The following MFN1 variants were observed in gnomAD, a reference collection of about 807,000 sequenced individuals.
MFN1 encodes mitofusin 1.
A neutral mutation model predicts 92.4 loss-of-function variants in MFN1; 65 were observed. The observed-to-expected ratio is 0.70, with a 90% CI of 0.58 to 0.86. MFN1 has a LOEUF of 0.86. MFN1 is among the 40% of genes least tolerant of loss of function. The pLI is 0.00. For synonymous variants in MFN1, 297 were observed against 300.9 expected, an observed-to-expected ratio of 0.99 and a Z score of 0.13; for missense variants, 781 against 868.0, an observed-to-expected ratio of 0.90 and a Z score of 1.26.
chr3:179,387,331 AG>A (rs1713722694), intron 16 of MFN1, among the ~76,000 whole-genome samples: 1 of 152,106 alleles, frequency 6.6e-6, no homozygotes. Context: ...GGATCACTTG[AG>A]GTCGGGAGTT....
intron 17 of MFN1, among the ~76,000 whole-genome samples, chr3:179,391,601 T>C (rs1328893268): frequency 1.3e-5 from 2 of 152,124 alleles, no homozygotes; most frequent in African/African-American, 4.8e-5. Context: ...TGCCCTGGCA[T>C]AGTGTGAGAG....
At chr3:179,362,054 A>G (rs1712601248) in intron 4 of MFN1, among the ~76,000 whole-genome samples, 1 of 152,198 alleles carries the variant, frequency 6.6e-6, no homozygotes, top group Non-Finnish European at 1.5e-5. Context: ...ATACACATTT[A>G]TTTCAGTAGA....
chr3:179,371,981 C>G (rs1713037058), intron 9 of MFN1, among the ~76,000 whole-genome samples: 1 of 149,132 alleles, frequency 6.7e-6, no homozygotes, highest in African/African-American at 2.5e-5. Flanking sequence ...ATATATGCCT[C>G]TCTTTATATA....
At chr3:179,390,198 A>T (rs1022371376) in intron 17 of MFN1, 60 bp downstream of exon 17, 6 of 1,313,202 alleles carry the variant, frequency 4.6e-6, no homozygotes, top group African/African-American at 1.6e-5. Context: ...CAAAATATGT[A>T]AAATTATTAA....
In MFN1 at chr3:179,378,408, A is replaced by T. The variant is rs1333913253; in HGVS notation, c.1397A>T (p.Asn466Ile). 2.5e-6 allele frequency: 4 copies of T among 1,606,322 alleles called. No individual in the cohort carries two copies. The Admixed American group carries it at 6.9e-5, about 28-fold the overall frequency. ...GCTGATCGATGCACCGATGAAGTAA[A>T]CGCCTTAGTGCTTCAGACCCAGCAA... is the stretch of plus-strand genomic sequence containing the variant. ...NLADRCTDEV[N>I]ALVLQTQQEI... The change falls in exon 13 of 18, where the codon AAC becomes ATC. Residue 466 changes from asparagine (N) to isoleucine (I), a missense_variant. Asn to Ile is a moderately radical substitution (Grantham distance 149). Transcript: ENST00000471841.
intron 14 of MFN1, among the ~76,000 whole-genome samples, chr3:179,382,609 A>G (rs1405816908): frequency 6.6e-6 from 1 of 152,206 alleles, no homozygotes; most frequent in Non-Finnish European, 1.5e-5. Context: ...GCTGGGTCAG[A>G]TAGTATTTCT....
chr3:179,386,628 CA>C lies in MFN1; in HGVS notation c.2012del (p.Gln671HisfsTer3). The C allele has an allele frequency of 6.2e-7, 1 of 1,603,812 alleles. No homozygotes were observed. Among genetic ancestry groups the C allele is most frequent in the Non-Finnish European group, 8.5e-7 (1 of 1,175,914 alleles). Reference protein sequence around the residue: ...TSANCSHQVKQQIATTFARLC... With the variant: ...TSANCSHQVKXQIATTFARLC... ...TGCAAACTGCAGTCACCAAGTAAAA[CA>C]GTAAGTTGGAAGGTGCATCTTTCCT... is the stretch of plus-strand genomic sequence containing the variant. On this transcript the variant is annotated frameshift_variant and splice_region_variant, in exon 16 of 18. Coordinates refer to ENST00000471841, the MANE Select transcript of MFN1 (RefSeq NM_033540.3). LOFTEE classifies it high-confidence loss of function.
intron 4 of MFN1, 123 bp downstream of exon 4, chr3:179,359,125 TTC>T: frequency 8.2e-7 from 1 of 1,213,210 alleles, no homozygotes; most frequent in Non-Finnish European, 1.1e-6. Context: ...GTTAATATTT[TTC>T]TTTTTTTTTT....
At chr3:179,381,198 A>G (rs1560199485) in intron 14 of MFN1, among the ~76,000 whole-genome samples, 2 of 152,244 alleles carry the variant, frequency 1.3e-5, no homozygotes, top group Non-Finnish European at 1.5e-5. Context: ...TATTCATAAC[A>G]GAACAAGAAA....
intron 9 of MFN1, among the ~76,000 whole-genome samples, chr3:179,374,604 TAC>T (rs1202157401): frequency 6.6e-6 from 1 of 151,998 alleles, no homozygotes; most frequent in Non-Finnish European, 1.5e-5. Flanking sequence ...GGTTTCTGTG[TAC>T]ACACTATATT....
intron 16 of MFN1, among the ~76,000 whole-genome samples, chr3:179,388,213 G>A (rs1210228622): frequency 6.6e-6 from 1 of 152,136 alleles, no homozygotes; most frequent in African/African-American, 2.4e-5. Flanking sequence ...TCTTAATAAA[G>A]AAAACTGAAT....
intron 10 of MFN1, 80 bp from the exon 11 acceptor site, chr3:179,376,962 A>G (rs1713262948): frequency 1.4e-6 from 2 of 1,439,034 alleles, no homozygotes; most frequent in African/African-American, 2.9e-5. Flanking sequence ...AGATGGTTCA[A>G]TACATGAATG....
intron 2 of MFN1, 94 bp downstream of exon 2, chr3:179,349,057 C>T: frequency 9.3e-6 from 9 of 963,454 alleles, no homozygotes; most frequent in Non-Finnish European, 1.2e-5. Context: ...ATGTATAGGG[C>T]ATTATACTGT....
intron 11 of MFN1, 44 bp from the exon 12 acceptor site, chr3:179,377,300 A>C (rs1456232735): frequency 5.2e-6 from 8 of 1,527,812 alleles, no homozygotes; most frequent in Admixed American, 4.0e-5. Flanking sequence ...AATAATTGAT[A>C]ATCTTGTTTA....
intron 14 of MFN1, among the ~76,000 whole-genome samples, chr3:179,384,764 G>A (rs1323811607): frequency 2.0e-5 from 3 of 152,128 alleles, no homozygotes; most frequent in Non-Finnish European, 4.4e-5. Flanking sequence ...CAAACTCCTG[G>A]TCTCAAGCTA....
rs189341563 is a variant in MFN1, at chr3:179,352,058, A to G, written c.248+23A>G. The stretch of plus-strand genomic sequence containing the variant: ...CAGGTAATTATTTATTATTACTTCT[A>G]AGATTAGTTTCCAGGAATCAGCTTT... On this transcript the variant is annotated intron_variant, in intron 3 of 17. Coordinates refer to ENST00000471841, the MANE Select transcript of MFN1 (RefSeq NM_033540.3). 2.3e-3 allele frequency: 3,556 copies of G among 1,566,986 alleles called. 10 individuals carry two copies. Among genetic ancestry groups the G allele is most frequent in the Middle Eastern group, 5.7e-3 (33 of 5,818 alleles).
intron 14 of MFN1, among the ~76,000 whole-genome samples, chr3:179,382,736 G>A (rs1369687109): frequency 6.6e-6 from 1 of 152,166 alleles, no homozygotes; most frequent in Non-Finnish European, 1.5e-5. Flanking sequence ...AGCACCTGTT[G>A]TTTCCTGACT....
At chr3:179,377,764 A>G (rs1022699676) in intron 12 of MFN1, among the ~76,000 whole-genome samples, 3 of 152,126 alleles carry the variant, frequency 2.0e-5, no homozygotes, top group African/African-American at 7.2e-5. Flanking sequence ...TGAGAACTCT[A>G]ATCTACAAAA....
At chr3:179,353,146 C>T (rs1315982857) in intron 3 of MFN1, among the ~76,000 whole-genome samples, 7 of 151,252 alleles carry the variant, frequency 4.6e-5, no homozygotes, top group African/African-American at 7.3e-5. Context: ...CTCCGCCTCC[C>T]GGGTTCAAGC....
Sources: allele counts gnomAD v4.1 joint callset (sites outside exome capture counted in the v4.1 genomes callset), GRCh38; gene constraint gnomAD v4.1.1; transcripts MANE v1.5; gene names NCBI Gene and HGNC (gene_info 2026-07-23, HGNC 2026-07-21).